The following ELL variants were observed in gnomAD, a reference collection of about 807,000 sequenced individuals.
ELL encodes elongation factor for RNA polymerase II.
Under a neutral mutation model 64.0 loss-of-function variants are expected in ELL, and 18 were observed. The observed-to-expected ratio is 0.28, with a 90% CI of 0.19 to 0.42. ELL has a LOEUF of 0.42. Among genes scored for constraint, ELL ranks in the 10% least tolerant of loss-of-function variants. ELL has a pLI of 1.00. For synonymous variants in ELL, 399 were observed against 376.2 expected (o/e 1.06, Z -0.70); for missense variants, 797 against 870.4 (o/e 0.92, Z 1.06).
chr19:18,493,217 T>C (rs895507235), intron 1 of ELL, among the ~76,000 whole-genome samples: 1 of 152,112 alleles, frequency 6.6e-6, no homozygotes, highest in African/African-American at 2.4e-5. Flanking sequence ...GGAATGGGGC[T>C]GGGGATCCCA....
chr19:18,488,374 G>C (rs1975460495), intron 1 of ELL, among the ~76,000 whole-genome samples: 1 of 152,220 alleles, frequency 6.6e-6, no homozygotes, highest in African/African-American at 2.4e-5. Context: ...AGACCACACA[G>C]CAGGAAGCAC....
At position 18,513,040 on chromosome 19, in the gene ELL, C is replaced by T. The variant is rs1047495677; in HGVS notation, c.135+8881G>A. ...GTGTTAACAGTAGGGTATATACTTG[C>T]GGTCTCCCCATCTGAAGAACGGTGA... On this transcript the variant is annotated intron_variant, in intron 1 of 11. Coordinates refer to ENST00000262809, the MANE Select transcript of ELL (RefSeq NM_006532.4). Among the ~76,000 whole-genome samples, 7 of 152,308 alleles carry T rather than the reference C, an allele frequency of 4.6e-5. No individual in the cohort carries two copies. In the East Asian group the frequency reaches 9.6e-4, roughly 21 times the overall value.
chr19:18,449,646 ACAG>A lies in ELL; in HGVS notation c.1465+828_1465+830del, dbSNP rs1355121244. Among the ~76,000 whole-genome samples, 3 of 152,114 alleles carry A rather than the reference ACAG, an allele frequency of 2.0e-5. No individual in the cohort carries two copies. Among genetic ancestry groups the A allele is most frequent in the Non-Finnish European group, 4.4e-5 (3 of 68,010 alleles). Reference sequence around the variant, plus strand: ...CTCCCCAGAGACACAACCCAAAAGCACAGCAGGTGACACCACCTGGGCTGCCCT... The same window carrying A: ...CTCCCCAGAGACACAACCCAAAAGCACAGGTGACACCACCTGGGCTGCCCT... On this transcript the variant is annotated intron_variant, in intron 8 of 11. Coordinates refer to ENST00000262809, the MANE Select transcript of ELL (RefSeq NM_006532.4). The surrounding 1 kb of genome is among the most constrained non-coding windows in gnomAD (Gnocchi z 4.4).
At chr19:18,517,064 T>C (rs1976146693) in intron 1 of ELL, among the ~76,000 whole-genome samples, 1 of 152,082 alleles carries the variant, frequency 6.6e-6, no homozygotes, top group Non-Finnish European at 1.5e-5. Flanking sequence ...AAACACCTAA[T>C]GATGAACTAC....
chr19:18,504,073 A>C (rs1411294596), intron 1 of ELL, among the ~76,000 whole-genome samples: 1 of 152,256 alleles, frequency 6.6e-6, no homozygotes, highest in East Asian at 1.9e-4. Flanking sequence ...TGCAGCGTGC[A>C]GAGGATCTGC....
intron 2 of ELL, among the ~76,000 whole-genome samples, chr19:18,472,123 C>A (rs1975076268): frequency 6.6e-6 from 1 of 152,060 alleles, no homozygotes; most frequent in Admixed American, 6.6e-5. Flanking sequence ...CCACCACACC[C>A]AGCTAATTTT....
At chr19:18,468,658 C>G (rs533265214) in intron 2 of ELL, among the ~76,000 whole-genome samples, 1 of 152,348 alleles carries the variant, frequency 6.6e-6, no homozygotes, top group South Asian at 2.1e-4. Flanking sequence ...TCTGTCATCT[C>G]TTTAACCCCC....
intron 1 of ELL, 190 bp from the exon 2 acceptor site, chr19:18,473,072 T>A: frequency 1.4e-6 from 1 of 702,946 alleles, no homozygotes; most frequent in Non-Finnish European, 2.4e-6. Flanking sequence ...GAAGGATCAG[T>A]AGGAGTTCCT....
chr19:18,512,459 G>C (rs1180346554), intron 1 of ELL, among the ~76,000 whole-genome samples: 1 of 152,064 alleles, frequency 6.6e-6, no homozygotes, highest in African/African-American at 2.4e-5. Context: ...GCAACATGGT[G>C]AAACCCCATC....
intron 1 of ELL, among the ~76,000 whole-genome samples, chr19:18,492,037 G>A (rs1975543662): frequency 6.6e-6 from 1 of 152,148 alleles, no homozygotes; most frequent in Non-Finnish European, 1.5e-5. Flanking sequence ...CAAATGGCCT[G>A]GAGCACGACA....
In ELL at chr19:18,501,566, C is replaced by A. The variant is rs1218508783; in HGVS notation, c.135+20355G>T. 6.6e-6 allele frequency among the ~76,000 whole-genome samples: 1 copy of A among 152,174 alleles called. No homozygotes were observed. The highest frequency in any genetic ancestry group is 1.5e-5 in the Non-Finnish European group (1 of 68,036). On this transcript the variant is annotated intron_variant, in intron 1 of 11. Coordinates refer to ENST00000262809, the MANE Select transcript of ELL (RefSeq NM_006532.4). This position sits in a 1 kb window ranked among gnomAD's most constrained non-coding sequence, Gnocchi z 4.5. ...GGTCCACGGCACAGCCAGCTCAGAG[C>A]CAGGCGGATGAGACGGGGGCCAAGC... is the stretch of plus-strand genomic sequence containing the variant.
rs762691164 is a variant in ELL at position 18,472,874 on chromosome 19, A to C, written c.144T>G (p.Val48=). 1 of 1,585,774 alleles carries C rather than the reference A, an allele frequency of 6.3e-7. No homozygotes were observed. Among genetic ancestry groups the C allele is most frequent in the Admixed American group, 1.9e-5 (1 of 53,358 alleles). Residue 48 remains valine, a synonymous_variant, in exon 2 of 12, where the codon GTT becomes GTG. Coordinates refer to ENST00000262809, the MANE Select transcript of ELL (RefSeq NM_006532.4). ...FESYRARQDS[V]SLRPSIRFQG... The stretch of plus-strand genomic sequence containing the variant: ...GAAATCGGATAGATGGCCTCAGTGA[A>C]ACAGAATCCTATAAAAAAAAAAAAA...
At chr19:18,506,215 T>A (rs745733547) in intron 1 of ELL, among the ~76,000 whole-genome samples, 12 of 152,222 alleles carry the variant, frequency 7.9e-5, no homozygotes, top group Non-Finnish European at 1.5e-4. Context: ...ACAGTCAACA[T>A]GGAGACAGCC....
chr19:18,516,266 G>T (rs931178770), intron 1 of ELL, among the ~76,000 whole-genome samples: 21 of 152,066 alleles, frequency 1.4e-4, no homozygotes, highest in Non-Finnish European at 7.4e-5. Context: ...CTGAGTACTG[G>T]CCACAGGCCT....
intron 11 of ELL, 142 bp downstream of exon 11, chr19:18,445,082 G>A: frequency 8.0e-7 from 1 of 1,252,970 alleles, no homozygotes; most frequent in Non-Finnish European, 1.1e-6. Flanking sequence ...GCTGGGGGTG[G>A]TGGGGCAACT....
At chr19:18,453,101 G>A (rs1427559404) in intron 6 of ELL, among the ~76,000 whole-genome samples, 1 of 152,118 alleles carries the variant, frequency 6.6e-6, no homozygotes, top group Non-Finnish European at 1.5e-5. Context: ...GTGAAACCCC[G>A]TCTCTCCTAA....
At chr19:18,487,417 G>A (rs1346196554) in intron 1 of ELL, among the ~76,000 whole-genome samples, 1 of 152,206 alleles carries the variant, frequency 6.6e-6, no homozygotes, top group Non-Finnish European at 1.5e-5. Flanking sequence ...CCTCAGCATG[G>A]CCATAAACCA....
intron 1 of ELL, among the ~76,000 whole-genome samples, chr19:18,482,427 C>T (rs1446444727): frequency 6.8e-5 from 10 of 146,526 alleles, no homozygotes; most frequent in Admixed American, 6.3e-4. Context: ...AAGCAATTCT[C>T]CTGCCTCTGC....
At chr19:18,481,961 T>C (rs921994710) in intron 1 of ELL, among the ~76,000 whole-genome samples, 1 of 152,366 alleles carries the variant, frequency 6.6e-6, no homozygotes, top group East Asian at 1.9e-4. Flanking sequence ...TACCATTTTG[T>C]ACTGCCGCCG....
Sources: gnomAD v4.1 joint callset for allele counts (sites outside exome capture counted in the v4.1 genomes callset) on GRCh38, gnomAD v4.1.1 for gene constraint, Gnocchi (gnomAD v3.1) non-coding constraint, MANE v1.5 for transcripts, NCBI Gene and HGNC (gene_info 2026-07-23, HGNC 2026-07-21) for gene names.